Variants in ICMT observed in about 807,000 individuals in gnomAD.
ICMT encodes the protein isoprenylcysteine carboxyl methyltransferase, also known as protein-S-isoprenylcysteine O-methyltransferase.
A neutral mutation model predicts 32.2 loss-of-function variants in ICMT; 10 were observed. The ratio of observed to expected loss-of-function variants is 0.31; its 90% CI spans 0.19 to 0.53. ICMT has a LOEUF of 0.53. ICMT is among the 20% of genes least tolerant of loss of function. ICMT has a pLI of 0.96. For synonymous variants in ICMT, 183 were observed against 158.2 expected (o/e 1.16, Z -1.18); for missense variants, 265 against 356.9 (o/e 0.74, Z 2.07).
chr1:6,233,784 G>A (rs2100969257), intron 2 of ICMT, 141 bp from the exon 3 acceptor site: 2 of 629,992 alleles, frequency 3.2e-6, no homozygotes, highest in East Asian at 5.7e-5. Context: ...GTACCCATCT[G>A]CAGCATCTAC....
Position 6,232,079 on chromosome 1 carries a change from C to T in ICMT, c.495G>A (p.Leu165=), listed in dbSNP as rs747042544. 1.2e-6 allele frequency: 2 copies of T among 1,614,106 alleles called. No individual in the cohort carries two copies. Among genetic ancestry groups the T allele is most frequent in the Non-Finnish European group, 1.7e-6 (2 of 1,180,012 alleles). ...TCAGACATTCTCCGAAGACCACCATCAGCAGCCCTGTGACACTGAGCCAGG... is the reference window on the plus strand; with the variant it reads ...TCAGACATTCTCCGAAGACCACCATTAGCAGCCCTGTGACACTGAGCCAGG... ...QITWLSVTGL[L]MVVFGECLRK... The change falls in exon 4 of 5, where the codon CTG becomes CTA. Residue 165 remains leucine (L), a synonymous_variant. Coordinates refer to ENST00000343813, the MANE Select transcript of ICMT (RefSeq NM_012405.4).
At chr1:6,230,586 TA>T (rs34068915) in intron 4 of ICMT, among the ~76,000 whole-genome samples, 4,442 of 104,316 alleles carry the variant, frequency 0.043, 152 homozygotes, top group African/African-American at 0.11. Context: ...ATCCTGTCTT[TA>T]AAAAAAAAAA....
intron 3 of ICMT, among the ~76,000 whole-genome samples, chr1:6,232,955 T>C (rs1471494809): frequency 2.0e-5 from 3 of 152,060 alleles, no homozygotes; most frequent in Non-Finnish European, 4.4e-5. Flanking sequence ...CCTCCCGGAT[T>C]CAAGCAGTTC....
At position 6,231,932 on chromosome 1, in the gene ICMT, G is replaced by A. The variant is rs760991612; in HGVS notation, c.642C>T (p.Val214=). The part of the protein sequence containing the change: ...VYAWFRHPSY[V]GWFYWSIGTQ... ...TTCCAATACTCCAGTAAAACCACCC[G>A]ACGTAAGAAGGATGCCGAAACCAAG... is the stretch of plus-strand genomic sequence containing the variant. Residue 214 remains valine (V), a synonymous_variant, in exon 4 of 5, where the codon GTC becomes GTT. Transcript: ENST00000343813. 35 of 1,586,722 alleles carry A rather than the reference G, an allele frequency of 2.2e-5. No individual in the cohort carries two copies. The highest frequency in any genetic ancestry group is 6.7e-5 in the African/African-American group (5 of 74,200).
At chr1:6,231,183 G>T (rs1441112611) in intron 4 of ICMT, among the ~76,000 whole-genome samples, 1 of 139,120 alleles carries the variant, frequency 7.2e-6, no homozygotes, top group African/African-American at 2.7e-5. Flanking sequence ...AAAAAAAAAA[G>T]AAAGAAAGAA....
chr1:6,235,055 A>G, intron 1 of ICMT, 81 bp from the exon 2 acceptor site: 1 of 1,121,008 alleles, frequency 8.9e-7, no homozygotes, highest in South Asian at 1.2e-5. Flanking sequence ...CGGAATAGGC[A>G]ACCCACAGGC....
At chr1:6,235,658 C>T (rs1250686335) in intron 1 of ICMT, 59 bp downstream of exon 1, 3 of 1,087,180 alleles carry the variant, frequency 2.8e-6, no homozygotes, top group South Asian at 4.3e-5. Flanking sequence ...GCCCACGCGC[C>T]GCGCCAAGCG....
chr1:6,229,032 CAA>C (rs70981315), intron 4 of ICMT, among the ~76,000 whole-genome samples: 1 of 117,628 alleles, frequency 8.5e-6, no homozygotes. Context: ...GACTCTGTCT[CAA>C]AAAAAAAAAA....
intron 4 of ICMT, among the ~76,000 whole-genome samples, chr1:6,230,895 T>A (rs1218797051): frequency 4.5e-5 from 5 of 110,722 alleles, no homozygotes; most frequent in South Asian, 3.1e-4. Context: ...AGACTCCATC[T>A]CAAAAAGGAA....
At chr1:6,228,745 G>A (rs1433908109) in intron 4 of ICMT, among the ~76,000 whole-genome samples, 1 of 152,242 alleles carries the variant, frequency 6.6e-6, no homozygotes, top group South Asian at 2.1e-4. Flanking sequence ...GAAATATGCG[G>A]GTTGGATGCA....
Position 6,233,458 on chromosome 1 carries a change from C to T in ICMT, c.454+16G>A. The T allele has an allele frequency of 6.2e-7, 1 of 1,609,792 alleles. No individual in the cohort carries two copies. The highest frequency in any genetic ancestry group is 8.5e-7 in the Non-Finnish European group (1 of 1,177,860). ...CACCCTTTTCCCCTCCAGAGGGGGA[C>T]ATAAGGCACACGAACCTGGCCAAAA... On this transcript the variant is annotated intron_variant, in intron 3 of 4. Coordinates refer to ENST00000343813, the MANE Select transcript of ICMT (RefSeq NM_012405.4).
intron 2 of ICMT, chr1:6,234,471 G>C (rs1401043458): frequency 4.0e-6 from 2 of 497,588 alleles, no homozygotes; most frequent in South Asian, 1.5e-5. Flanking sequence ...ATAGTGTAGG[G>C]AAAAATCCTA....
rs1376591109 is a variant in ICMT at position 6,235,701 on chromosome 1, C to A, written c.195+16G>T. The A allele has an allele frequency of 2.5e-6, 3 of 1,184,288 alleles. No individual in the cohort carries two copies. Among genetic ancestry groups the A allele is most frequent in the African/African-American group, 3.2e-5 (2 of 61,608 alleles). The allele number at this position is 1,184,288 out of a possible 1,614,324, so 73.4% of individuals were successfully genotyped here. On this transcript the variant is annotated intron_variant, in intron 1 of 4. Coordinates refer to ENST00000343813, the MANE Select transcript of ICMT (RefSeq NM_012405.4). ...GCCCGCCCCGCCGGCCCCCGCCGGC[C>A]CCCGCCGGCCTGCACCTGGTAGCGA...
chr1:6,231,020 G>A (rs1021482389), intron 4 of ICMT, among the ~76,000 whole-genome samples: 2 of 151,618 alleles, frequency 1.3e-5, no homozygotes, highest in Admixed American at 1.3e-4. Flanking sequence ...TGGGCAACTC[G>A]AGAAACCCTG....
Position 6,224,141 on chromosome 1 carries a change from G to A in ICMT, c.*939C>T, listed in dbSNP as rs1557599849. On this transcript the variant is annotated 3_prime_UTR_variant, in exon 5 of 5. Coordinates refer to ENST00000343813, the MANE Select transcript of ICMT (RefSeq NM_012405.4). ...AGAACACAGAAAACAAGAGTTCTGA[G>A]ACTGGCATTGAAATTGAGAATATAA... The A allele has an allele frequency of 2.0e-5, 3 of 152,216 alleles. No individual in the cohort carries two copies. Among genetic ancestry groups the A allele is most frequent in the Admixed American group, 1.3e-4 (2 of 15,282 alleles). 9.4% of individuals were successfully genotyped at this position (152,216 alleles called of 1,614,324 possible). A position where few individuals can be genotyped will look rare whatever the true frequency, so the allele number is the denominator to read the frequency against.
At position 6,233,571 on chromosome 1, in the gene ICMT, C is replaced by G; in HGVS notation, c.357G>C (p.Leu119=). ...LVTAVNNPKS[L]SLDSFLLNHS... is the part of the protein sequence containing the mutation. Reference sequence around the variant, plus strand: ...GATTCAGGAGAAAGGAATCCAAGGACAGACTTTTGGGATTATTGACTGCTG... The same window carrying G: ...GATTCAGGAGAAAGGAATCCAAGGAGAGACTTTTGGGATTATTGACTGCTG... Residue 119 remains leucine, a synonymous_variant, in exon 3 of 5, where the codon CTG becomes CTC. Coordinates refer to ENST00000343813, the MANE Select transcript of ICMT (RefSeq NM_012405.4). 1 of 1,614,032 alleles carries G rather than the reference C, an allele frequency of 6.2e-7. No homozygotes were observed. Among genetic ancestry groups the G allele is most frequent in the Admixed American group, 1.7e-5 (1 of 60,032 alleles).
Position 6,235,732 on chromosome 1 carries a change from C to T in ICMT, c.180G>A (p.Arg60=). 7.7e-7 allele frequency: 1 copy of T among 1,302,164 alleles called. No homozygotes were observed. The highest frequency in any genetic ancestry group is 3.0e-5 in the Admixed American group (1 of 33,890). The allele number at this position is 1,302,164 out of a possible 1,614,324, so 80.7% of individuals were successfully genotyped here. A position where few individuals can be genotyped will look rare whatever the true frequency, so the allele number is the denominator to read the frequency against. Residue 60 remains arginine (R), a synonymous_variant, in exon 1 of 5, where the codon CGG becomes CGA. Coordinates refer to ENST00000343813, the MANE Select transcript of ICMT (RefSeq NM_012405.4). ...CGGCCTGCACCTGGTAGCGAGGCGG[C>T]CGATAGAGCAGCAGCAGCAGCGCGT... ...GLNALLLLLY[R]PPRYQIAIRA...
chr1:6,226,351 G>A (rs562640416), intron 4 of ICMT, among the ~76,000 whole-genome samples: 2 of 152,132 alleles, frequency 1.3e-5, no homozygotes, highest in African/African-American at 4.8e-5. Flanking sequence ...AGCTGAGATC[G>A]CCACTGCATA....
chr1:6,232,236 G>A (rs1571226579), intron 3 of ICMT, 117 bp from the exon 4 acceptor site: 4 of 669,774 alleles, frequency 6.0e-6, no homozygotes, highest in South Asian at 4.0e-5. Context: ...ATGTGCTGCT[G>A]GGCAATCAGC....
Sources: allele counts gnomAD v4.1 joint callset (sites outside exome capture counted in the v4.1 genomes callset), GRCh38; gene constraint gnomAD v4.1.1; transcripts MANE v1.5; gene names NCBI Gene and HGNC (gene_info 2026-07-23, HGNC 2026-07-21).